FHIT: variants seen among roughly 807,000 people sequenced by gnomAD.
The protein encoded by FHIT is bis(5'-adenosyl)-triphosphatase.
A neutral mutation model predicts 17.9 loss-of-function variants in FHIT; 19 were observed. The ratio of observed to expected loss-of-function variants is 1.06; its 90% CI spans 0.74 to 1.56. The LOEUF (loss-of-function observed/expected upper bound fraction) is 1.56, where lower values mean the gene tolerates loss of function less well. Ranked by LOEUF, FHIT falls within the 40% of genes most tolerant of loss-of-function variation. The probability of loss-of-function intolerance (pLI) is 0.00; values close to 1 mark genes in which losing one functional copy is unlikely to be tolerated. For synonymous variants in FHIT, 81 were observed against 69.7 expected (o/e 1.16, Z -0.81); for missense variants, 248 against 189.2 (o/e 1.31, Z -1.82).
intron 2 of FHIT, among the ~76,000 whole-genome samples, chr3:61,119,957 C>A (rs11718931): frequency 3.9e-5 from 6 of 152,044 alleles, no homozygotes; most frequent in African/African-American, 1.4e-4. Flanking sequence ...GACTTCTCCA[C>A]CTCCATAATC....
At chr3:59,797,303 C>T (rs2106956763) in intron 8 of FHIT, among the ~76,000 whole-genome samples, 1 of 152,074 alleles carries the variant, frequency 6.6e-6, no homozygotes, top group South Asian at 2.1e-4. Flanking sequence ...TCTCATGCCT[C>T]AGCTTCCCAA....
intron 5 of FHIT, among the ~76,000 whole-genome samples, chr3:60,023,899 G>C (rs915597121): frequency 2.0e-5 from 3 of 151,914 alleles, no homozygotes; most frequent in African/African-American, 7.3e-5. Context: ...TCTTCAAAAT[G>C]CTCCCCAAAC....
chr3:61,177,758 G>C (rs896932535), intron 2 of FHIT, among the ~76,000 whole-genome samples: 1 of 151,962 alleles, frequency 6.6e-6, no homozygotes, highest in African/African-American at 2.4e-5. Context: ...AAACAACCCC[G>C]GCCAAAAATT....
chr3:60,112,023 A>G (rs1704695219), intron 5 of FHIT, among the ~76,000 whole-genome samples: 1 of 152,204 alleles, frequency 6.6e-6, no homozygotes. Flanking sequence ...ACCATAAGAG[A>G]AATTATTGTC....
chr3:59,762,329 C>T (rs1424353506), intron 8 of FHIT, among the ~76,000 whole-genome samples: 2 of 152,168 alleles, frequency 1.3e-5, no homozygotes, highest in African/African-American at 4.8e-5. Context: ...GAGGGGACTA[C>T]TGTAGTAGGT....
At chr3:60,252,360 A>G (rs558055390) in intron 5 of FHIT, among the ~76,000 whole-genome samples, 121 of 152,282 alleles carry the variant, frequency 7.9e-4, no homozygotes, top group Admixed American at 2.2e-3. Context: ...CCTGGGCAAC[A>G]TAGCGAAACC....
chr3:60,980,541 C>A (rs968955029), intron 3 of FHIT, among the ~76,000 whole-genome samples: 2 of 152,188 alleles, frequency 1.3e-5, no homozygotes, highest in African/African-American at 4.8e-5. Context: ...AAATGAAAAT[C>A]TCCTCTCTGC....
At chr3:61,165,182 T>C (rs550738850) in intron 2 of FHIT, among the ~76,000 whole-genome samples, 105 of 152,360 alleles carry the variant, frequency 6.9e-4, no homozygotes, top group Non-Finnish European at 1.3e-3. Context: ...GGTTGAATAG[T>C]AGTCCTGTTT....
At chr3:60,040,651 C>A (rs959029813) in intron 5 of FHIT, among the ~76,000 whole-genome samples, 2 of 152,042 alleles carry the variant, frequency 1.3e-5, no homozygotes, top group Admixed American at 6.5e-5. Context: ...AAGAGAACTG[C>A]GGAGGCTAAG....
intron 3 of FHIT, among the ~76,000 whole-genome samples, chr3:60,936,743 T>G (rs1708205714): frequency 1.3e-5 from 2 of 152,118 alleles, no homozygotes; most frequent in South Asian, 4.2e-4. Flanking sequence ...TAAATTGAAC[T>G]CCCCTTGCAT....
intron 1 of FHIT, among the ~76,000 whole-genome samples, chr3:61,250,873 C>G (rs1203778824): frequency 6.6e-6 from 1 of 152,186 alleles, no homozygotes; most frequent in Non-Finnish European, 1.5e-5. Context: ...GTCCTGGGCA[C>G]GTGTTCAGCA....
rs148046831 is a variant in FHIT at position 60,519,773 on chromosome 3, C to T, written c.103+17087G>A. On this transcript the variant is annotated intron_variant, in intron 5 of 9. Transcript: ENST00000492590. ...GGCTTTTCTCTGCTTCTTGGGAGCACGTCCAGCATCACTAGTGACCCTTCA... is the reference window on the plus strand; with the variant it reads ...GGCTTTTCTCTGCTTCTTGGGAGCATGTCCAGCATCACTAGTGACCCTTCA... Among the ~76,000 whole-genome samples, 236 of 152,226 alleles carry T rather than the reference C, an allele frequency of 1.6e-3. 1 individual carries two copies. The highest frequency in any genetic ancestry group is 5.5e-3 in the African/African-American group (229 of 41,550).
intron 2 of FHIT, among the ~76,000 whole-genome samples, chr3:61,120,386 A>G (rs1248120099): frequency 6.6e-6 from 1 of 152,246 alleles, no homozygotes; most frequent in Admixed American, 6.5e-5. Context: ...CACTACAGAA[A>G]GGCAATCTAT....
At position 59,928,646 on chromosome 3, in the gene FHIT, T is replaced by C. The variant is rs761333421; in HGVS notation, c.280-6232A>G. 3.3e-5 allele frequency among the ~76,000 whole-genome samples: 5 copies of C among 152,208 alleles called. No homozygotes were observed. The South Asian group carries it at 1.0e-3, about 32-fold the overall frequency. ...ATACATGAAAAGATGCTCAACATCC[T>C]TAGCCCAAAACCACAAAGACAATAC... On this transcript the variant is annotated intron_variant, in intron 7 of 9. Coordinates refer to ENST00000492590, the MANE Select transcript of FHIT (RefSeq NM_002012.4).
intron 3 of FHIT, among the ~76,000 whole-genome samples, chr3:60,963,889 G>A: frequency 6.6e-6 from 1 of 152,220 alleles, no homozygotes; most frequent in East Asian, 1.9e-4. Flanking sequence ...ATGTGGTGCT[G>A]AGAAGAATGT....
chr3:60,742,137 A>T (rs1003686600), intron 4 of FHIT, among the ~76,000 whole-genome samples: 1 of 152,220 alleles, frequency 6.6e-6, no homozygotes, highest in Non-Finnish European at 1.5e-5. Context: ...GGGGAGTGTC[A>T]CAAGGTCTTA....
Position 59,947,350 on chromosome 3 carries a change from G to T in FHIT, c.280-24936C>A, listed in dbSNP as rs143270962. Among the ~76,000 whole-genome samples the T allele has an allele frequency of 5.9e-5, 9 of 152,070 alleles. No homozygotes were observed. The East Asian group carries it at 1.2e-3, about 20-fold the overall frequency. Reference sequence around the variant, plus strand: ...AGTTTTTTGGTATTTCTGGGGGGTTGGTGGTAATGTCCCCTTTGTCATTTC... The same window carrying T: ...AGTTTTTTGGTATTTCTGGGGGGTTTGTGGTAATGTCCCCTTTGTCATTTC... On this transcript the variant is annotated intron_variant, in intron 7 of 9. Coordinates refer to ENST00000492590, the MANE Select transcript of FHIT (RefSeq NM_002012.4).
intron 5 of FHIT, among the ~76,000 whole-genome samples, chr3:60,478,581 T>C (rs2033459325): frequency 6.6e-6 from 1 of 152,010 alleles, no homozygotes; most frequent in Admixed American, 6.6e-5. Flanking sequence ...ATGGTGGTGA[T>C]GATGATGATG....
At chr3:60,366,382 C>T (rs1354403825) in intron 5 of FHIT, among the ~76,000 whole-genome samples, 1 of 152,134 alleles carries the variant, frequency 6.6e-6, no homozygotes, top group Non-Finnish European at 1.5e-5. Context: ...GCCTTGGCCT[C>T]CCAAAGTGCT....
Sources: gnomAD v4.1 joint callset for allele counts (sites outside exome capture counted in the v4.1 genomes callset) on GRCh38, gnomAD v4.1.1 for gene constraint, MANE v1.5 for transcripts, NCBI Gene and HGNC (gene_info 2026-07-23, HGNC 2026-07-21) for gene names.